The following RGS10 variants were observed in gnomAD, a reference collection of about 807,000 sequenced individuals.
The protein encoded by RGS10 is regulator of G-protein signalling 10.
A neutral mutation model predicts 23.5 loss-of-function variants in RGS10; 11 were observed. That is an observed-to-expected ratio of 0.47 (90% CI 0.29 to 0.77). The LOEUF (loss-of-function observed/expected upper bound fraction) is 0.77. Ranked by LOEUF, RGS10 falls within the 30% of genes least tolerant of loss-of-function variation. The probability of loss-of-function intolerance (pLI) is 0.08; values close to 1 mark genes in which losing one functional copy is unlikely to be tolerated. For synonymous variants in RGS10, 77 were observed against 83.2 expected, an observed-to-expected ratio of 0.92 and a Z score of 0.41; for missense variants, 180 against 226.3, an observed-to-expected ratio of 0.80 and a Z score of 1.31.
At chr10:119,532,768 G>C (rs1844344445) in intron 1 of RGS10, among the ~76,000 whole-genome samples, 1 of 152,052 alleles carries the variant, frequency 6.6e-6, no homozygotes, top group South Asian at 2.1e-4. Context: ...TTGAACCCAG[G>C]AGGTGGAGGT....
intron 4 of RGS10, among the ~76,000 whole-genome samples, chr10:119,504,344 C>T (rs1303491973): frequency 6.6e-6 from 1 of 152,142 alleles, no homozygotes; most frequent in East Asian, 1.9e-4. Context: ...TGTGCGCCAC[C>T]ACACCCAGCT....
intron 1 of RGS10, among the ~76,000 whole-genome samples, chr10:119,533,865 GTCATTTTAGATCT>G (rs1844356947): frequency 2.6e-5 from 4 of 152,000 alleles, no homozygotes. Context: ...GGCTCTTTAC[GTCATTTTAGATCT>G]TCAAATTTTT....
intron 1 of RGS10, among the ~76,000 whole-genome samples, chr10:119,539,917 T>C (rs991025636): frequency 6.7e-6 from 1 of 149,774 alleles, no homozygotes; most frequent in African/African-American, 2.5e-5. Flanking sequence ...CTGAAGTTTA[T>C]ACAATTTGAG....
intron 4 of RGS10, among the ~76,000 whole-genome samples, chr10:119,508,197 A>G (rs1844037376): frequency 6.6e-6 from 1 of 152,056 alleles, no homozygotes; most frequent in Admixed American, 6.6e-5. Context: ...ACGAAGTTTC[A>G]CCATGTTGGC....
At chr10:119,518,990 G>A (rs1370067611) in intron 3 of RGS10, among the ~76,000 whole-genome samples, 2 of 152,204 alleles carry the variant, frequency 1.3e-5, no homozygotes, top group African/African-American at 2.4e-5. Context: ...ACAGGCGTGA[G>A]CCACCGTGCC....
rs191671137 is a variant in RGS10 at position 119,503,756 on chromosome 10, C to T, written c.400-3497G>A. On this transcript the variant is annotated intron_variant, in intron 4 of 4. Transcript: ENST00000369103. The stretch of plus-strand genomic sequence containing the variant: ...GCTGTCCTCGGCTCGTAGACCACAC[C>T]TTCTCCCTGCGTCTTCACAGGGTCT... 3.8e-3 allele frequency among the ~76,000 whole-genome samples: 577 copies of T among 152,312 alleles called. 4 individuals carry two copies. Among genetic ancestry groups the T allele is most frequent in the Non-Finnish European group, 6.9e-3 (467 of 68,022 alleles).
At chr10:119,509,221 C>T (rs1262844112) in intron 4 of RGS10, among the ~76,000 whole-genome samples, 1 of 152,112 alleles carries the variant, frequency 6.6e-6, no homozygotes, top group Non-Finnish European at 1.5e-5. Flanking sequence ...TTATAACCTC[C>T]ACTTCACAAA....
At position 119,542,648 on chromosome 10, in the gene RGS10, C is replaced by A; in HGVS notation, c.-10G>T. On this transcript the variant is annotated 5_prime_UTR_variant, in exon 1 of 5. Transcript: ENST00000369103. ...CGGCGCGGTTGAACATCGCCGCGGG[C>A]GCCCGAGGAGGAAGAAGGAGCAGCC... 7.2e-7 allele frequency: 1 copy of A among 1,393,482 alleles called. No homozygotes were observed. The highest frequency in any genetic ancestry group is 2.9e-5 in the Admixed American group (1 of 34,122). The allele number at this position is 1,393,482 out of a possible 1,614,324, so 86.3% of individuals were successfully genotyped here.
chr10:119,537,593 G>A (rs1397417093), intron 1 of RGS10, among the ~76,000 whole-genome samples: 1 of 152,166 alleles, frequency 6.6e-6, no homozygotes, highest in Admixed American at 6.5e-5. Flanking sequence ...TGTCTGGCTG[G>A]AGAGAAAAAC....
At chr10:119,501,381 C>G (rs1243052342) in intron 4 of RGS10, among the ~76,000 whole-genome samples, 1 of 152,180 alleles carries the variant, frequency 6.6e-6, no homozygotes, top group East Asian at 1.9e-4. Context: ...ACCCTGACAT[C>G]TTTTAAGGCT....
chr10:119,528,542 G>C (rs1844302292), intron 1 of RGS10, among the ~76,000 whole-genome samples: 1 of 151,802 alleles, frequency 6.6e-6, no homozygotes, highest in African/African-American at 2.4e-5. Flanking sequence ...CATTAATTTT[G>C]ATCTTTTAAA....
At chr10:119,519,989 TG>T (rs1187549742) in intron 3 of RGS10, among the ~76,000 whole-genome samples, 9 of 151,730 alleles carry the variant, frequency 5.9e-5, no homozygotes, top group Non-Finnish European at 1.3e-4. Flanking sequence ...AGGAACAGAG[TG>T]GTCCCCTTCT....
intron 4 of RGS10, among the ~76,000 whole-genome samples, chr10:119,500,972 C>T (rs1366536968): frequency 6.6e-6 from 1 of 152,116 alleles, no homozygotes; most frequent in Non-Finnish European, 1.5e-5. Context: ...CCAGATTAGA[C>T]GGCTGCCCCC....
chr10:119,540,880 G>A (rs775129837), intron 1 of RGS10, among the ~76,000 whole-genome samples: 23 of 152,194 alleles, frequency 1.5e-4, no homozygotes, highest in Non-Finnish European at 3.1e-4. Context: ...ATGGTTTTGA[G>A]TATTTAATCC....
intron 1 of RGS10, chr10:119,536,375 A>T: frequency 8.1e-7 from 1 of 1,236,560 alleles, no homozygotes; most frequent in Non-Finnish European, 1.2e-6. Context: ...CTGTGTCCTC[A>T]CAGCACACTC....
intron 4 of RGS10, among the ~76,000 whole-genome samples, chr10:119,502,300 G>A (rs1317856694): frequency 6.6e-6 from 1 of 152,102 alleles, no homozygotes; most frequent in Non-Finnish European, 1.5e-5. Context: ...AGTCCCCAAG[G>A]GGAAACTTTC....
chr10:119,512,895 C>T (rs879536427), intron 4 of RGS10, among the ~76,000 whole-genome samples: 2 of 152,198 alleles, frequency 1.3e-5, no homozygotes, highest in African/African-American at 2.4e-5. Context: ...ACTTGCTTTA[C>T]ATTCAGCAGT....
rs1299532276 is a variant in RGS10 at position 119,530,303 on chromosome 10, A to C, written c.50-2879T>G. Among the ~76,000 whole-genome samples the C allele has an allele frequency of 2.6e-5, 4 of 152,282 alleles. No individual in the cohort carries two copies. In the East Asian group the frequency reaches 5.8e-4, roughly 22 times the overall value. On this transcript the variant is annotated intron_variant, in intron 1 of 4. Transcript: ENST00000369103. ...GATGTTCTATGGGGGGTCAAAATACATGTTGACTTCTTGATCCCCTGGGAC... is the reference window on the plus strand; with the variant it reads ...GATGTTCTATGGGGGGTCAAAATACCTGTTGACTTCTTGATCCCCTGGGAC...
intron 4 of RGS10, among the ~76,000 whole-genome samples, chr10:119,501,262 C>A (rs1843950047): frequency 6.6e-6 from 1 of 152,126 alleles, no homozygotes; most frequent in South Asian, 2.1e-4. Flanking sequence ...CACTCTGCAA[C>A]TAAAAATCCA....
Sources: allele counts gnomAD v4.1 joint callset (sites outside exome capture counted in the v4.1 genomes callset), GRCh38; gene constraint gnomAD v4.1.1; transcripts MANE v1.5; gene names NCBI Gene and HGNC (gene_info 2026-07-23, HGNC 2026-07-21).